Variants in PDE4D observed in about 807,000 individuals in gnomAD.
PDE4D encodes phosphodiesterase 4D.
PDE4D carries 24 observed loss-of-function variants against 87.4 expected under a neutral mutation model. The observed-to-expected ratio is 0.27, with a 90% confidence interval of 0.20 to 0.39. The LOEUF (loss-of-function observed/expected upper bound fraction) is 0.39. Ranked by LOEUF, PDE4D falls within the 10% of genes least tolerant of loss-of-function variation. The probability of loss-of-function intolerance (pLI) is 1.00; values close to 1 mark genes in which losing one functional copy is unlikely to be tolerated. For missense variants in PDE4D, 714 were observed against 1,041.0 expected (o/e 0.69, Z 4.32); for synonymous variants, 384 against 383.2 (o/e 1.00, Z -0.02).
rs746017066 is a variant in PDE4D at position 60,015,889 on chromosome 5, CT to C, written c.43-27173del. Among the ~76,000 whole-genome samples the C allele has an allele frequency of 8.4e-3, 1,149 of 137,534 alleles. 11 individuals carry two copies. The highest frequency in any genetic ancestry group is 0.021 in the African/African-American group (793 of 37,756). The allele number at this position is 137,534 out of a possible 152,430, so 90.2% of individuals were successfully genotyped here. ...ACTTCCATGACCAAATGAACCAATT[CT>C]TTTTTTTTTTTTTTTGAGACAGAGT... On this transcript the variant is annotated intron_variant, in intron 2 of 16. Transcript: ENST00000502484.
intron 3 of PDE4D, among the ~76,000 whole-genome samples, chr5:59,937,646 T>C (rs1401024525): frequency 3.3e-5 from 5 of 152,208 alleles, no homozygotes; most frequent in East Asian, 3.9e-4. Flanking sequence ...ACTAATCCTA[T>C]TGAATTAAGA....
At chr5:59,536,749 T>C (rs191264352) in intron 1 of PDE4D, among the ~76,000 whole-genome samples, 330 of 152,290 alleles carry the variant, frequency 2.2e-3, no homozygotes, top group South Asian at 6.2e-3. Context: ...ATATGAGATG[T>C]ATTGTGTACC....
At chr5:60,271,293 G>A (rs1750784838) in intron 1 of PDE4D, among the ~76,000 whole-genome samples, 1 of 152,070 alleles carries the variant, frequency 6.6e-6, no homozygotes, top group Admixed American at 6.6e-5. Context: ...TGATACTAAT[G>A]TTTTGCCATT....
In PDE4D at chr5:59,087,454, A is replaced by G. The variant is rs144904091; in HGVS notation, c.809-48483T>C. Among the ~76,000 whole-genome samples the G allele has an allele frequency of 4.6e-3, 693 of 152,292 alleles. 2 individuals carry two copies. Among genetic ancestry groups the G allele is most frequent in the Non-Finnish European group, 7.2e-3 (492 of 68,022 alleles). ...TGAGCCATGATTGCCACTGCTCTCC[A>G]GCCTGGGTGACAGAGCAAGACCCTA... On this transcript the variant is annotated intron_variant, in intron 5 of 14. Coordinates refer to ENST00000340635, the MANE Select transcript of PDE4D (RefSeq NM_001104631.2).
chr5:59,207,701 A>AT (rs137998063), intron 2 of PDE4D, among the ~76,000 whole-genome samples: 106 of 149,240 alleles, frequency 7.1e-4, no homozygotes, highest in African/African-American at 1.7e-3. Context: ...TTCTCCCTGC[A>AT]TTTTTTTTTA....
At chr5:59,847,330 T>C (rs1332890080) in intron 1 of PDE4D, among the ~76,000 whole-genome samples, 2 of 152,058 alleles carry the variant, frequency 1.3e-5, no homozygotes, top group Non-Finnish European at 2.9e-5. Context: ...AGGTTGGATC[T>C]ACAATATTTT....
intron 3 of PDE4D, among the ~76,000 whole-genome samples, chr5:59,190,451 G>T (rs1171729669): frequency 6.6e-6 from 1 of 152,122 alleles, no homozygotes; most frequent in Non-Finnish European, 1.5e-5. Context: ...AAAGCATGCT[G>T]AGAAAAGAGG....
Position 59,185,568 on chromosome 5 carries a change from A to G in PDE4D, c.685-306T>C, listed in dbSNP as rs144492953. Among the ~76,000 whole-genome samples, 158 of 152,292 alleles carry G rather than the reference A, an allele frequency of 1.0e-3. 3 individuals are homozygous for G. The highest frequency in any genetic ancestry group is 3.8e-3 in the African/African-American group (156 of 41,580). On this transcript the variant is annotated intron_variant, in intron 3 of 14. Transcript: ENST00000340635. Reference sequence around the variant, plus strand: ...TTCCAGGCAATACACAGATAACATGATTGCATTTTTGCACATTTCAAATAG... The same window carrying G: ...TTCCAGGCAATACACAGATAACATGGTTGCATTTTTGCACATTTCAAATAG...
At position 59,012,310 on chromosome 5, in the gene PDE4D, C is replaced by G. The variant is rs528445395; in HGVS notation, c.922-18845G>C. On this transcript the variant is annotated intron_variant, in intron 6 of 14. Coordinates refer to ENST00000340635, the MANE Select transcript of PDE4D (RefSeq NM_001104631.2). Reference sequence around the variant, plus strand: ...CAAATTCCCACATAACAATATTAACCTTATATGTAAATGGGCTAAATGTTC... The same window carrying G: ...CAAATTCCCACATAACAATATTAACGTTATATGTAAATGGGCTAAATGTTC... 1.8e-4 allele frequency among the ~76,000 whole-genome samples: 28 copies of G among 152,212 alleles called. 1 individual carries two copies. The South Asian group carries it at 5.8e-3, about 32-fold the overall frequency.
chr5:60,322,367 TACACACACACACACACACACACACAC>T (rs60232413), intron 1 of PDE4D, among the ~76,000 whole-genome samples: 1 of 132,724 alleles, frequency 7.5e-6, no homozygotes, highest in African/African-American at 2.7e-5. Context: ...TGGACACACA[TACACACACACACACACACACACACAC>T]ACACACACAC....
At chr5:60,247,740 C>T (rs1286715505) in intron 1 of PDE4D, among the ~76,000 whole-genome samples, 1 of 152,000 alleles carries the variant, frequency 6.6e-6, no homozygotes, top group Non-Finnish European at 1.5e-5. Flanking sequence ...CTCACACACA[C>T]ACACAAGACA....
chr5:59,132,682 A>T (rs989737548), intron 5 of PDE4D, among the ~76,000 whole-genome samples: 4 of 152,226 alleles, frequency 2.6e-5, no homozygotes, highest in Non-Finnish European at 4.4e-5. Context: ...ATATACAGGC[A>T]TAGGACTTCA....
intron 1 of PDE4D, among the ~76,000 whole-genome samples, chr5:59,235,464 T>C (rs1322302847): frequency 6.6e-6 from 1 of 152,176 alleles, no homozygotes; most frequent in African/African-American, 2.4e-5. Flanking sequence ...AAGAAAAATC[T>C]GAGGCTCAGG....
intron 2 of PDE4D, among the ~76,000 whole-genome samples, chr5:60,125,104 A>G (rs930360660): frequency 7.2e-5 from 11 of 152,118 alleles, no homozygotes; most frequent in African/African-American, 2.4e-4. Context: ...TAAAATCATC[A>G]ATACCCAAAT....
At chr5:59,082,732 A>G (rs1276755839) in intron 5 of PDE4D, among the ~76,000 whole-genome samples, 2 of 151,024 alleles carry the variant, frequency 1.3e-5, no homozygotes, top group Non-Finnish European at 3.0e-5. Context: ...TATTATAAAG[A>G]TATCAAGTCT....
intron 2 of PDE4D, among the ~76,000 whole-genome samples, chr5:60,149,529 T>C (rs188514447): frequency 2.7e-4 from 41 of 152,266 alleles, no homozygotes; most frequent in African/African-American, 8.7e-4. Context: ...ATAGCAAACA[T>C]AGACACTCTG....
At chr5:59,039,609 C>G in intron 5 of PDE4D, 1 of 713,138 alleles carries the variant, frequency 1.4e-6, no homozygotes, top group Non-Finnish European at 1.7e-6. Context: ...CCCCTCTCGG[C>G]CCTCGGCGCT....
At chr5:60,317,026 CT>C (rs138751619) in intron 1 of PDE4D, among the ~76,000 whole-genome samples, 20,828 of 152,190 alleles carry the variant, frequency 0.14, 1,568 homozygotes, top group South Asian at 0.31. Flanking sequence ...AGGATTCCCT[CT>C]TTTTCTATTG....
chr5:60,442,499 G>A (rs562402775), intron 1 of PDE4D, among the ~76,000 whole-genome samples: 2 of 152,142 alleles, frequency 1.3e-5, no homozygotes, highest in East Asian at 1.9e-4. Context: ...ACGGTTGATA[G>A]GTGCAGCAAA....
Sources: allele counts gnomAD v4.1 joint callset (sites outside exome capture counted in the v4.1 genomes callset), GRCh38; gene constraint gnomAD v4.1.1; transcripts MANE v1.5; gene names NCBI Gene and HGNC (gene_info 2026-07-23, HGNC 2026-07-21).